Variants in CACNA1S observed in about 807,000 individuals in gnomAD.
CACNA1S encodes calcium voltage-gated channel subunit alpha1 S.
Under a neutral mutation model 207.4 loss-of-function variants are expected in CACNA1S, and 126 were observed. The observed-to-expected ratio is 0.61, with a 90% confidence interval of 0.53 to 0.70. The LOEUF (loss-of-function observed/expected upper bound fraction) is 0.70, where lower values mean the gene tolerates loss of function less well. CACNA1S is among the 30% of genes least tolerant of loss of function. CACNA1S has a pLI of 0.00. For synonymous variants in CACNA1S, 960 were observed against 932.7 expected, an observed-to-expected ratio of 1.03 and a Z score of -0.53; for missense variants, 2,349 against 2,422.8, an observed-to-expected ratio of 0.97 and a Z score of 0.64.
intron 17 of CACNA1S, 117 bp from the exon 18 acceptor site, chr1:201,069,718 A>T: frequency 7.9e-7 from 1 of 1,258,526 alleles, no homozygotes. Flanking sequence ...CCTGGCCAGG[A>T]GAGAAGTGCA....
chr1:201,043,060 G>A lies in CACNA1S; in HGVS notation c.5048+221C>T, dbSNP rs545638746. 4.7e-5 allele frequency: 26 copies of A among 556,110 alleles called. No individual in the cohort carries two copies. In the South Asian group the frequency reaches 5.0e-4, roughly 11 times the overall value. The allele number at this position is 556,110 out of a possible 1,614,324, so 34.4% of individuals were successfully genotyped here. On this transcript the variant is annotated intron_variant, in intron 40 of 43. Transcript: ENST00000362061. ...CGGAATAAAAGAACCTCTCAACACT[G>A]GGGCCAATACTGACATGATGTGAGG...
At chr1:201,061,495 AGACTGGGTGGGGT>A (rs1336883085) in intron 24 of CACNA1S, 27 bp from the exon 25 acceptor site, 2 of 1,605,264 alleles carry the variant, frequency 1.2e-6, no homozygotes, top group Admixed American at 3.3e-5. Flanking sequence ...AAGAGAGGAC[AGACTGGGTGGGGT>A]GACAAGGCAG....
intron 1 of CACNA1S, among the ~76,000 whole-genome samples, chr1:201,110,497 A>G (rs1307612145): frequency 1.3e-5 from 2 of 152,124 alleles, no homozygotes; most frequent in African/African-American, 4.8e-5. Context: ...AGTCACTTTC[A>G]TGTAGACTCC....
intron 6 of CACNA1S, 95 bp downstream of exon 6, chr1:201,089,163 G>T: frequency 8.8e-7 from 1 of 1,141,484 alleles, no homozygotes. Context: ...GTCAGAGACT[G>T]GCCTCCTGTG....
intron 2 of CACNA1S, among the ~76,000 whole-genome samples, chr1:201,102,484 G>A (rs1033833891): frequency 1.3e-5 from 2 of 152,112 alleles, no homozygotes; most frequent in East Asian, 1.9e-4. Context: ...AGGAAGGCCC[G>A]ACATATTTCC....
At chr1:201,048,438 C>G (rs1307986243) in intron 36 of CACNA1S, 144 bp downstream of exon 36, 1 of 731,046 alleles carries the variant, frequency 1.4e-6, no homozygotes, top group African/African-American at 1.7e-5. Context: ...GGCATGAGGA[C>G]TTTGTGCCCA....
rs757571734 is a variant in CACNA1S, at chr1:201,046,681, A to ACGG, written c.4668+433_4668+434insCCG. On this transcript the variant is annotated intron_variant, in intron 38 of 43. Coordinates refer to ENST00000362061, the MANE Select transcript of CACNA1S (RefSeq NM_000069.3). ...CTCAGCCTCCTGAGTAGCTGGGCAC[A>ACGG]TGCCGCCACACCTGACTAATTTTTG... 9.6e-4 allele frequency among the ~76,000 whole-genome samples: 145 copies of ACGG among 151,732 alleles called. 1 individual carries two copies. Among genetic ancestry groups the ACGG allele is most frequent in the Non-Finnish European group, 1.7e-3 (118 of 67,948 alleles).
At chr1:201,051,882 A>G (rs1660664973) in intron 32 of CACNA1S, among the ~76,000 whole-genome samples, 1 of 152,196 alleles carries the variant, frequency 6.6e-6, no homozygotes, top group African/African-American at 2.4e-5. Flanking sequence ...CTCTGCCTGC[A>G]CACGGTGAGG....
At chr1:201,056,141 G>A (rs1660837707) in intron 28 of CACNA1S, among the ~76,000 whole-genome samples, 1 of 150,568 alleles carries the variant, frequency 6.6e-6, no homozygotes, top group Admixed American at 6.6e-5. Flanking sequence ...CCCCTCGCTA[G>A]CTCAGCGCCC....
chr1:201,085,344 G>T, intron 8 of CACNA1S, 92 bp downstream of exon 8: 1 of 1,531,908 alleles, frequency 6.5e-7, no homozygotes, highest in Non-Finnish European at 9.0e-7. Context: ...GACTAATGTT[G>T]GACTTGCTCA....
chr1:201,061,238 C>T (rs1661035490), intron 25 of CACNA1S, 29 bp downstream of exon 25: 2 of 1,600,110 alleles, frequency 1.2e-6, no homozygotes, highest in African/African-American at 2.7e-5. Flanking sequence ...GGAGCTCTGC[C>T]CTCCACCTCT....
chr1:201,108,124 G>A (rs1359517505), intron 2 of CACNA1S, among the ~76,000 whole-genome samples: 1 of 98,756 alleles, frequency 1.0e-5, no homozygotes, highest in East Asian at 2.8e-4. Context: ...TTTTTTTTTT[G>A]AGACAGGGTC....
intron 22 of CACNA1S, 26 bp from the exon 23 acceptor site, chr1:201,062,540 GA>G: frequency 3.1e-6 from 4 of 1,294,510 alleles, no homozygotes; most frequent in African/African-American, 1.5e-5. Flanking sequence ...GGGAGGGAGG[GA>G]GGGAGGCATG....
chr1:201,087,788 T>TCCACTCGCCCCCCACCCC, intron 7 of CACNA1S, 38 bp downstream of exon 7: 1 of 1,328,592 alleles, frequency 7.5e-7, no homozygotes. Flanking sequence ...CCTCCTCCTC[T>TCCACTCGCCCCCCACCCC]TTCTCTTTTC....
At chr1:201,056,578 T>G (rs1169499774) in intron 28 of CACNA1S, among the ~76,000 whole-genome samples, 1 of 152,230 alleles carries the variant, frequency 6.6e-6, no homozygotes, top group African/African-American at 2.4e-5. Context: ...CCACCATGGC[T>G]CAGAAAGAAG....
In CACNA1S at chr1:201,112,226, G is replaced by A; in HGVS notation, c.114C>T (p.Asn38=). ...TGCTGATGCAGGCCTTCCTCAGGGG[G>A]TTCTCCAGGGTCAGGCAGAACAAGG... ...PRALFCLTLE[N]PLRKACISIV... Residue 38 remains asparagine (N), a synonymous_variant, in exon 1 of 44, where the codon AAC becomes AAT. Transcript: ENST00000362061. 6.2e-7 allele frequency: 1 copy of A among 1,613,966 alleles called. No individual in the cohort carries two copies. Among genetic ancestry groups the A allele is most frequent in the Non-Finnish European group, 8.5e-7 (1 of 1,179,980 alleles).
At chr1:201,108,953 A>G (rs1434917233) in intron 2 of CACNA1S, among the ~76,000 whole-genome samples, 1 of 152,218 alleles carries the variant, frequency 6.6e-6, no homozygotes, top group African/African-American at 2.4e-5. Context: ...CAGCCTGTAC[A>G]AGAGCAGGTT....
chr1:201,047,563 C>T lies in CACNA1S; in HGVS notation c.4505G>A (p.Ser1502Asn). Reference sequence around the variant, plus strand: ...GATGACCTGGTCCAAGAGCTTCATGCTGGTTCTCTTCCAGATCTTCTTGAT... The same window carrying T: ...GATGACCTGGTCCAAGAGCTTCATGTTGGTTCTCTTCCAGATCTTCTTGAT... ...AIIKKIWKRT[S>N]MKLLDQVIPP... The change falls in exon 37 of 44, where the codon AGC becomes AAC. Residue 1502 changes from serine (S) to asparagine (N), a missense_variant. Transcript: ENST00000362061. 2 of 1,614,194 alleles carry T rather than the reference C, an allele frequency of 1.2e-6. No homozygotes were observed. The highest frequency in any genetic ancestry group is 1.7e-6 in the Non-Finnish European group (2 of 1,180,000).
At chr1:201,075,454 C>CCCCCCAAGCCCTTT in intron 13 of CACNA1S, 41 bp downstream of exon 13, 1 of 1,594,310 alleles carries the variant, frequency 6.3e-7, no homozygotes, top group Non-Finnish European at 8.6e-7. Flanking sequence ...CCCCCACCCC[C>CCCCCCAAGCCCTTT]TCCCTAAGCT....
Sources: gnomAD v4.1 joint callset for allele counts (sites outside exome capture counted in the v4.1 genomes callset) on GRCh38, gnomAD v4.1.1 for gene constraint, MANE v1.5 for transcripts, NCBI Gene and HGNC (gene_info 2026-07-23, HGNC 2026-07-21) for gene names.